PRORP: variants seen among roughly 807,000 people sequenced by gnomAD.
The protein encoded by PRORP is mitochondrial ribonuclease P catalytic subunit.
A neutral mutation model predicts 59.4 loss-of-function variants in PRORP; 51 were observed. The ratio of observed to expected loss-of-function variants is 0.86; its 90% confidence interval spans 0.69 to 1.08. The LOEUF is 1.08. Among genes scored for constraint, PRORP ranks in the 50% least tolerant of loss-of-function variants. The pLI is 0.00. For synonymous variants in PRORP, 231 were observed against 245.6 expected (o/e 0.94, Z 0.55); for missense variants, 646 against 690.3 (o/e 0.94, Z 0.72).
chr14:35,207,161 C>T (rs1166925758), intron 5 of PRORP, among the ~76,000 whole-genome samples: 2 of 152,082 alleles, frequency 1.3e-5, no homozygotes, highest in Non-Finnish European at 2.9e-5. Context: ...AGGCCATTTA[C>T]CTGGCGATGC....
At chr14:35,234,676 CTTTTT>C (rs398056986) in intron 5 of PRORP, among the ~76,000 whole-genome samples, 6 of 130,136 alleles carry the variant, frequency 4.6e-5, no homozygotes, top group African/African-American at 1.7e-4. Flanking sequence ...ACTGTTGTTC[CTTTTT>C]TTTTTTTTTT....
chr14:35,208,487 AT>A (rs1247455101), intron 5 of PRORP, among the ~76,000 whole-genome samples: 1 of 152,240 alleles, frequency 6.6e-6, no homozygotes, highest in Non-Finnish European at 1.5e-5. Flanking sequence ...AGTAGCCACA[AT>A]TTAAAAAGTT....
intron 4 of PRORP, among the ~76,000 whole-genome samples, chr14:35,165,075 ACT>A (rs1163553557): frequency 6.6e-6 from 1 of 152,238 alleles, no homozygotes; most frequent in African/African-American, 2.4e-5. Flanking sequence ...GAAGGAAATA[ACT>A]ATTATAGTGC....
rs1159175704 is a variant in PRORP at position 35,137,950 on chromosome 14, C to T, written c.1167+10339C>T. Among the ~76,000 whole-genome samples, 3 of 145,304 alleles carry T rather than the reference C, an allele frequency of 2.1e-5. 1 individual carries two copies. The highest frequency in any genetic ancestry group is 4.6e-5 in the Non-Finnish European group (3 of 65,376). On this transcript the variant is annotated intron_variant, in intron 4 of 7. Coordinates refer to ENST00000534898, the MANE Select transcript of PRORP (RefSeq NM_014672.4). ...TTTTGGTTGGTTGGTTGTTTTTTTT[C>T]CTCACCATTTGTATTAATTTGCTAA...
At chr14:35,204,405 ACTTT>A (rs2049238064) in intron 5 of PRORP, among the ~76,000 whole-genome samples, 1 of 152,186 alleles carries the variant, frequency 6.6e-6, no homozygotes, top group South Asian at 2.1e-4. Context: ...CATTCTAGTT[ACTTT>A]ATGATTTTAA....
intron 5 of PRORP, among the ~76,000 whole-genome samples, chr14:35,199,792 C>T (rs2049101549): frequency 6.6e-6 from 1 of 152,186 alleles, no homozygotes; most frequent in African/African-American, 2.4e-5. Context: ...GTCAACCTGA[C>T]ATCATTTAGT....
At chr14:35,249,313 G>T (rs1291049584) in intron 5 of PRORP, among the ~76,000 whole-genome samples, 2 of 152,114 alleles carry the variant, frequency 1.3e-5, no homozygotes, top group African/African-American at 4.8e-5. Flanking sequence ...TGGGCATGGT[G>T]GTTCATACCT....
intron 7 of PRORP, among the ~76,000 whole-genome samples, chr14:35,271,840 CAT>C (rs1261046078): frequency 2.0e-5 from 3 of 152,116 alleles, no homozygotes; most frequent in African/African-American, 7.2e-5. Flanking sequence ...GCCTAGCCAA[CAT>C]AGCGAAAACC....
At chr14:35,264,081 G>A (rs535546058) in intron 5 of PRORP, among the ~76,000 whole-genome samples, 23 of 151,860 alleles carry the variant, frequency 1.5e-4, no homozygotes, top group Non-Finnish European at 2.1e-4. Flanking sequence ...GATCACAGGT[G>A]CATGCCACCA....
At chr14:35,126,149 AGAT>A (rs2047091993) in intron 2 of PRORP, among the ~76,000 whole-genome samples, 2 of 152,148 alleles carry the variant, frequency 1.3e-5, no homozygotes, top group African/African-American at 4.8e-5. Flanking sequence ...TTTAGGTGAG[AGAT>A]GATGAGAATT....
At chr14:35,180,048 G>A (rs901202711) in intron 4 of PRORP, among the ~76,000 whole-genome samples, 1 of 152,178 alleles carries the variant, frequency 6.6e-6, no homozygotes, top group Non-Finnish European at 1.5e-5. Context: ...GCAGAACAGC[G>A]AATATTGCTG....
chr14:35,215,585 C>CT lies in PRORP; in HGVS notation c.1275+34808_1275+34809insT, dbSNP rs1555329051. 1.0e-4 allele frequency among the ~76,000 whole-genome samples: 15 copies of CT among 149,280 alleles called. No individual in the cohort carries two copies. The East Asian group carries it at 1.4e-3, about 14-fold the overall frequency. On this transcript the variant is annotated intron_variant, in intron 5 of 7. Transcript: ENST00000534898. ...CCTAAGCAACAAAGTGACCGTGACT[C>CT]AAAAAAAAAAATTAAAAATTATCTG...
intron 4 of PRORP, among the ~76,000 whole-genome samples, chr14:35,128,666 C>T (rs1247518487): frequency 2.0e-5 from 3 of 152,004 alleles, no homozygotes; most frequent in African/African-American, 7.2e-5. Flanking sequence ...TGAATTTCTG[C>T]AGTATTTGTT....
chr14:35,132,429 G>A (rs2138808771), intron 4 of PRORP, among the ~76,000 whole-genome samples: 1 of 151,990 alleles, frequency 6.6e-6, no homozygotes, highest in Non-Finnish European at 1.5e-5. Flanking sequence ...CTGCACTCCA[G>A]CCTGGGCAAC....
At chr14:35,174,470 T>C (rs2048394610) in intron 4 of PRORP, among the ~76,000 whole-genome samples, 1 of 152,194 alleles carries the variant, frequency 6.6e-6, no homozygotes, top group African/African-American at 2.4e-5. Context: ...TTGGGGTTTT[T>C]TTGTTCTGTT....
At chr14:35,145,447 C>T (rs1403484486) in intron 4 of PRORP, among the ~76,000 whole-genome samples, 6 of 143,222 alleles carry the variant, frequency 4.2e-5, no homozygotes, top group South Asian at 2.3e-4. Context: ...AAAGGCCGGG[C>T]GCAGTGGCTC....
chr14:35,270,175 G>A (rs1178766224), intron 6 of PRORP, among the ~76,000 whole-genome samples: 1 of 152,216 alleles, frequency 6.6e-6, no homozygotes, highest in East Asian at 1.9e-4. Context: ...TGAGCTGTGA[G>A]AATCCCAGGC....
Position 35,123,443 on chromosome 14 carries a change from A to G in PRORP, c.198A>G (p.Arg66=), listed in dbSNP as rs757748537. 8.1e-6 allele frequency: 13 copies of G among 1,614,098 alleles called. No homozygotes were observed. The East Asian group carries it at 1.8e-4, about 22-fold the overall frequency. ...TKATNLIAKA[R]YLRKDEGSNK... ...CAACGAATCTGATTGCCAAGGCCAG[A>G]TATCTCAGGAAAGATGAGGGCAGTA... Residue 66 remains arginine (R), a synonymous_variant, in exon 2 of 8, where the codon AGA becomes AGG. Coordinates refer to ENST00000534898, the MANE Select transcript of PRORP (RefSeq NM_014672.4).
chr14:35,179,680 C>T (rs1328111848), intron 4 of PRORP, among the ~76,000 whole-genome samples: 3 of 152,132 alleles, frequency 2.0e-5, no homozygotes, highest in African/African-American at 7.2e-5. Flanking sequence ...GCAATGGGTT[C>T]GAACTTCCTT....
Sources: gnomAD v4.1 joint callset for allele counts (sites outside exome capture counted in the v4.1 genomes callset) on GRCh38, gnomAD v4.1.1 for gene constraint, MANE v1.5 for transcripts, NCBI Gene and HGNC (gene_info 2026-07-23, HGNC 2026-07-21) for gene names.